Variants in ADGRB3 observed in about 807,000 individuals in gnomAD.
ADGRB3 encodes brain-specific angiogenesis inhibitor 3.
A neutral mutation model predicts 193.4 loss-of-function variants in ADGRB3; 37 were observed. The observed-to-expected ratio is 0.19, with a 90% CI of 0.15 to 0.25. The LOEUF (loss-of-function observed/expected upper bound fraction) is 0.25, where lower values mean the gene tolerates loss of function less well. ADGRB3 is among the 10% of genes least tolerant of loss of function. The pLI, the probability that ADGRB3 is intolerant of heterozygous loss-of-function variation, is 1.00. For missense variants in ADGRB3, 1,637 were observed against 1,852.9 expected (o/e 0.88, Z 2.14); for synonymous variants, 690 against 644.2 (o/e 1.07, Z -1.08).
chr6:69,340,467 T>TG (rs1486646069), intron 26 of ADGRB3, among the ~76,000 whole-genome samples: 1 of 152,116 alleles, frequency 6.6e-6, no homozygotes, highest in Non-Finnish European at 1.5e-5. Flanking sequence ...TTATCTAGCT[T>TG]GTTTGAGAAC....
At chr6:68,658,732 C>T (rs2127285771) in intron 3 of ADGRB3, among the ~76,000 whole-genome samples, 1 of 151,248 alleles carries the variant, frequency 6.6e-6, no homozygotes, top group East Asian at 1.9e-4. Flanking sequence ...ATTTAAATGT[C>T]TTAGGTTACA....
chr6:68,695,602 T>C (rs1434047820), intron 3 of ADGRB3, among the ~76,000 whole-genome samples: 1 of 151,990 alleles, frequency 6.6e-6, no homozygotes, highest in African/African-American at 2.4e-5. Context: ...GTGTGACATT[T>C]CCTCGGTTTC....
chr6:68,876,935 GA>G (rs891150448), intron 3 of ADGRB3, among the ~76,000 whole-genome samples: 1 of 151,690 alleles, frequency 6.6e-6, no homozygotes. Flanking sequence ...ATAATGCATT[GA>G]AAAAACTAGG....
At chr6:69,037,082 C>G (rs1416872985) in intron 13 of ADGRB3, among the ~76,000 whole-genome samples, 1 of 151,850 alleles carries the variant, frequency 6.6e-6, no homozygotes, top group Non-Finnish European at 1.5e-5. Context: ...GAGACATGTT[C>G]CAGAAATGAC....
chr6:68,787,280 G>T (rs893460277), intron 3 of ADGRB3, among the ~76,000 whole-genome samples: 1 of 152,132 alleles, frequency 6.6e-6, no homozygotes, highest in Admixed American at 6.5e-5. Flanking sequence ...GTATGATATT[G>T]GCTGTGGGTT....
chr6:69,051,542 G>A (rs1771393807), intron 15 of ADGRB3, among the ~76,000 whole-genome samples: 2 of 152,154 alleles, frequency 1.3e-5, no homozygotes, highest in Admixed American at 6.5e-5. Flanking sequence ...TGCTCAGGAT[G>A]AAATATTTGT....
chr6:68,913,588 G>A (rs1479792280), intron 3 of ADGRB3, among the ~76,000 whole-genome samples: 1 of 152,044 alleles, frequency 6.6e-6, no homozygotes, highest in African/African-American at 2.4e-5. Flanking sequence ...CCACAAAGAT[G>A]GGGAAAAAAC....
chr6:68,639,450 G>T lies in ADGRB3; in HGVS notation c.757+18G>T. 1 of 1,580,018 alleles carries T rather than the reference G, an allele frequency of 6.3e-7. No individual in the cohort carries two copies. The highest frequency in any genetic ancestry group is 2.3e-5 in the East Asian group (1 of 44,424). On this transcript the variant is annotated intron_variant, in intron 3 of 31. Transcript: ENST00000370598. ...CAAAGAAGGTAAGTGCCAAAGAGAGGGGAAGGTGAGCGGGGGAGCACTTTT... is the reference window on the plus strand; with the variant it reads ...CAAAGAAGGTAAGTGCCAAAGAGAGTGGAAGGTGAGCGGGGGAGCACTTTT...
At chr6:69,232,741 T>G in intron 17 of ADGRB3, 1 of 921,734 alleles carries the variant, frequency 1.1e-6, no homozygotes, top group Non-Finnish European at 1.6e-6. Context: ...ACAGCAGCTA[T>G]TCTAAAAGGA....
At chr6:69,350,022 A>G (rs985886115) in intron 26 of ADGRB3, among the ~76,000 whole-genome samples, 2 of 152,198 alleles carry the variant, frequency 1.3e-5, no homozygotes, top group East Asian at 1.9e-4. Flanking sequence ...AGCGAAGACC[A>G]GTCCAGAAGC....
intron 3 of ADGRB3, among the ~76,000 whole-genome samples, chr6:68,859,923 G>A (rs1336653108): frequency 1.3e-5 from 2 of 151,928 alleles, no homozygotes; most frequent in East Asian, 1.9e-4. Flanking sequence ...AAATGCAATT[G>A]AGAAAATATA....
intron 16 of ADGRB3, among the ~76,000 whole-genome samples, chr6:69,075,534 A>G (rs192857823): frequency 6.6e-6 from 1 of 152,318 alleles, no homozygotes. Context: ...AACATCTCTT[A>G]TCTCTAGGAA....
At chr6:69,377,316 ATCT>A (rs971641084) in intron 30 of ADGRB3, among the ~76,000 whole-genome samples, 4 of 151,972 alleles carry the variant, frequency 2.6e-5, no homozygotes, top group African/African-American at 7.2e-5. Context: ...GATCTCTCTG[ATCT>A]TCTCTTTCCC....
intron 13 of ADGRB3, among the ~76,000 whole-genome samples, chr6:69,031,166 C>G (rs1770670447): frequency 6.7e-6 from 1 of 149,316 alleles, no homozygotes; most frequent in Non-Finnish European, 1.5e-5. Context: ...TTCAGCCAGG[C>G]TTGGTGGCTT....
chr6:68,995,085 G>A (rs191501612), intron 11 of ADGRB3, among the ~76,000 whole-genome samples: 358 of 152,168 alleles, frequency 2.4e-3, no homozygotes, highest in Middle Eastern at 6.8e-3. Flanking sequence ...ACCACTGTCC[G>A]TATTTAAAAT....
At position 68,661,538 on chromosome 6, in the gene ADGRB3, C is replaced by CATATATAT. The variant is rs66836065; in HGVS notation, c.757+22132_757+22139dup. ...GTGTATACATATATATATGTGTATA[C>CATATATAT]ATATATATATATATATATATATATA... On this transcript the variant is annotated intron_variant, in intron 3 of 31. Coordinates refer to ENST00000370598, the MANE Select transcript of ADGRB3 (RefSeq NM_001704.3). 5.7e-3 allele frequency among the ~76,000 whole-genome samples: 522 copies of CATATATAT among 91,780 alleles called. 60 individuals are homozygous for CATATATAT. The highest frequency in any genetic ancestry group is 0.055 in the East Asian group (103 of 1,882). 60.2% of individuals were successfully genotyped at this position (91,780 alleles called of 152,430 possible). A position where few individuals can be genotyped will look rare whatever the true frequency, so the allele number is the denominator to read the frequency against.
intron 11 of ADGRB3, among the ~76,000 whole-genome samples, chr6:69,002,742 G>A (rs944138849): frequency 7.2e-5 from 11 of 152,084 alleles, no homozygotes; most frequent in African/African-American, 2.7e-4. Flanking sequence ...ATAATGATAG[G>A]CCTCATCTGT....
intron 17 of ADGRB3, among the ~76,000 whole-genome samples, chr6:69,160,016 T>A (rs1774941973): frequency 6.6e-6 from 1 of 152,090 alleles, no homozygotes; most frequent in African/African-American, 2.4e-5. Flanking sequence ...CAGAATTTAA[T>A]CCCTTCTTAA....
intron 3 of ADGRB3, among the ~76,000 whole-genome samples, chr6:68,766,956 T>C (rs1170841334): frequency 2.6e-5 from 4 of 152,092 alleles, no homozygotes; most frequent in Non-Finnish European, 5.9e-5. Flanking sequence ...AAATTGTTAT[T>C]ACACTCTTTT....
Sources: gnomAD v4.1 joint callset for allele counts (sites outside exome capture counted in the v4.1 genomes callset) on GRCh38, gnomAD v4.1.1 for gene constraint, MANE v1.5 for transcripts, NCBI Gene and HGNC (gene_info 2026-07-23, HGNC 2026-07-21) for gene names.